The following METTL15 variants were observed in gnomAD, a reference collection of about 807,000 sequenced individuals.
METTL15 encodes the protein 12S rRNA N(4)-cytidine methyltransferase METTL15.
In METTL15, 34 loss-of-function variants were observed where a neutral mutation model predicts 38.3. The ratio of observed to expected loss-of-function variants is 0.89; its 90% CI spans 0.68 to 1.18. The LOEUF (loss-of-function observed/expected upper bound fraction) is 1.18, where lower values mean the gene tolerates loss of function less well. METTL15 is among the 50% of genes most tolerant of loss of function. The pLI, the probability that METTL15 is intolerant of heterozygous loss-of-function variation, is 0.00. For missense variants in METTL15, 438 were observed against 498.4 expected, an observed-to-expected ratio of 0.88 and a Z score of 1.15; for synonymous variants, 162 against 170.9, an observed-to-expected ratio of 0.95 and a Z score of 0.41.
chr11:28,122,669 C>CT (rs944386463), intron 3 of METTL15, among the ~76,000 whole-genome samples: 3 of 150,926 alleles, frequency 2.0e-5, no homozygotes, highest in Admixed American at 6.6e-5. Context: ...GAATGTATAA[C>CT]TTTTTTTTAA....
intron 3 of METTL15, among the ~76,000 whole-genome samples, chr11:28,136,645 A>G (rs1328167847): frequency 1.3e-5 from 2 of 152,284 alleles, no homozygotes; most frequent in African/African-American, 2.4e-5. Flanking sequence ...TATTCATTAA[A>G]ATATAACCTA....
At chr11:28,290,126 C>T in intron 4 of METTL15, 80 bp from the exon 5 acceptor site, 1 of 1,156,778 alleles carries the variant, frequency 8.6e-7, no homozygotes, top group African/African-American at 1.6e-5. Context: ...ATAGAATGTG[C>T]TCCCTTCCAT....
At chr11:28,286,308 T>G (rs1200034230) in intron 4 of METTL15, among the ~76,000 whole-genome samples, 1 of 152,182 alleles carries the variant, frequency 6.6e-6, no homozygotes, top group African/African-American at 2.4e-5. Context: ...ATATTACACA[T>G]ATTTACAAAA....
intron 5 of METTL15, among the ~76,000 whole-genome samples, chr11:28,382,465 G>A (rs963056876): frequency 1.6e-4 from 25 of 152,214 alleles, no homozygotes; most frequent in African/African-American, 5.5e-4. Flanking sequence ...CTTTTTCCAT[G>A]TAGAAACTGT....
At chr11:28,255,734 G>A (rs773984420) in intron 4 of METTL15, among the ~76,000 whole-genome samples, 55 of 152,122 alleles carry the variant, frequency 3.6e-4, no homozygotes, top group South Asian at 6.2e-4. Context: ...ACGGAGTTTC[G>A]CTCTTGTTGC....
At chr11:28,286,400 A>G (rs1186933769) in intron 4 of METTL15, among the ~76,000 whole-genome samples, 1 of 152,172 alleles carries the variant, frequency 6.6e-6, no homozygotes, top group Non-Finnish European at 1.5e-5. Context: ...ATAAACTACC[A>G]TGGATGTGAT....
At chr11:28,353,447 G>C (rs1322602000) in intron 4 of METTL15, among the ~76,000 whole-genome samples, 2 of 152,214 alleles carry the variant, frequency 1.3e-5, no homozygotes, top group Non-Finnish European at 2.9e-5. Flanking sequence ...AATTTACTTA[G>C]CTCTAACAGA....
intron 2 of METTL15, among the ~76,000 whole-genome samples, chr11:28,112,036 A>G (rs909742005): frequency 6.6e-6 from 1 of 152,080 alleles, no homozygotes; most frequent in African/African-American, 2.4e-5. Context: ...AAGTTAACAT[A>G]TTATCCTCAA....
rs554234604 is a variant in METTL15, at chr11:28,170,338, G to A, written c.271-40724G>A. On this transcript the variant is annotated intron_variant, in intron 3 of 6. Coordinates refer to ENST00000407364, the MANE Select transcript of METTL15 (RefSeq NM_001113528.2). ...ATTTCTTGTCTCTTAGGAAGCATGA[G>A]GAGAGGAAGGGGTTGTGGGTGAAGC... 6.4e-3 allele frequency among the ~76,000 whole-genome samples: 979 copies of A among 152,190 alleles called. 3 individuals are homozygous for A. The highest frequency in any genetic ancestry group is 0.01 in the Non-Finnish European group (699 of 68,008).
At chr11:28,153,307 C>A (rs1273076838) in intron 3 of METTL15, among the ~76,000 whole-genome samples, 3 of 152,090 alleles carry the variant, frequency 2.0e-5, no homozygotes, top group African/African-American at 7.2e-5. Context: ...TAAATCATCT[C>A]TAGATTACTT....
chr11:28,248,866 C>G (rs1468209053), intron 4 of METTL15, among the ~76,000 whole-genome samples: 1 of 151,966 alleles, frequency 6.6e-6, no homozygotes, highest in Non-Finnish European at 1.5e-5. Flanking sequence ...ACATGCCACT[C>G]TCCCACAAAA....
At chr11:28,375,216 G>T (rs1244324398) in intron 5 of METTL15, among the ~76,000 whole-genome samples, 2 of 134,700 alleles carry the variant, frequency 1.5e-5, no homozygotes, top group African/African-American at 5.6e-5. Flanking sequence ...TTTTTCTATT[G>T]ATTGGAATAG....
At chr11:28,448,190 G>GC (rs1349478431) in intron 6 of METTL15, among the ~76,000 whole-genome samples, 2 of 152,118 alleles carry the variant, frequency 1.3e-5, no homozygotes, top group African/African-American at 2.4e-5. Flanking sequence ...ACATGGTAGA[G>GC]CCCCTCTTAT....
intron 6 of METTL15, among the ~76,000 whole-genome samples, chr11:28,497,661 G>A (rs1421695192): frequency 4.6e-5 from 7 of 152,170 alleles, no homozygotes; most frequent in Non-Finnish European, 1.0e-4. Context: ...CCTAATGAGG[G>A]CTTGGTGCCT....
intron 6 of METTL15, among the ~76,000 whole-genome samples, chr11:28,461,770 A>G (rs1851217273): frequency 6.6e-6 from 1 of 152,106 alleles, no homozygotes. Context: ...GTACAAGAGA[A>G]GATTTGTGAC....
chr11:28,382,480 CAG>C (rs932126922), intron 5 of METTL15, among the ~76,000 whole-genome samples: 5 of 151,992 alleles, frequency 3.3e-5, no homozygotes, highest in Non-Finnish European at 5.9e-5. Flanking sequence ...AACTGTGAGT[CAG>C]GGGGAAATTT....
In METTL15 at chr11:28,132,303, G is replaced by A. The variant is rs185961675; in HGVS notation, c.270+18699G>A. 4.5e-4 allele frequency among the ~76,000 whole-genome samples: 68 copies of A among 152,140 alleles called. 1 individual carries two copies. Among genetic ancestry groups the A allele is most frequent in the Middle Eastern group, 3.4e-3 (1 of 294 alleles). ...TCTTGACTGATTTAAATGGTAATAT[G>A]TAATAATATACAATTATATTGTATG... is the stretch of plus-strand genomic sequence containing the variant. On this transcript the variant is annotated intron_variant, in intron 3 of 6. Transcript: ENST00000407364.
intron 3 of METTL15, among the ~76,000 whole-genome samples, chr11:28,121,699 A>T (rs1852242045): frequency 6.6e-6 from 1 of 152,074 alleles, no homozygotes; most frequent in Non-Finnish European, 1.5e-5. Flanking sequence ...CAAAATGAAT[A>T]TTGTTGCTTT....
At chr11:28,293,182 GTTTTAGGTC>G (rs1856590306) in intron 5 of METTL15, among the ~76,000 whole-genome samples, 1 of 152,090 alleles carries the variant, frequency 6.6e-6, no homozygotes, top group Non-Finnish European at 1.5e-5. Context: ...GGTTTTTATG[GTTTTAGGTC>G]TAACATTTAA....
Sources: allele counts gnomAD v4.1 joint callset (sites outside exome capture counted in the v4.1 genomes callset), GRCh38; gene constraint gnomAD v4.1.1; transcripts MANE v1.5; gene names NCBI Gene and HGNC (gene_info 2026-07-23, HGNC 2026-07-21).